PHACTR3: variants seen among roughly 807,000 people sequenced by gnomAD.
PHACTR3 encodes phosphatase and actin regulator 3.
PHACTR3 carries 16 observed loss-of-function variants against 66.8 expected under a neutral mutation model. The ratio of observed to expected loss-of-function variants is 0.24; its 90% CI spans 0.16 to 0.36. PHACTR3 has a LOEUF of 0.36. Among genes scored for constraint, PHACTR3 ranks in the 10% least tolerant of loss-of-function variants. The pLI, the probability that PHACTR3 is intolerant of heterozygous loss-of-function variation, is 1.00. For missense variants in PHACTR3, 647 were observed against 719.9 expected (o/e 0.90, Z 1.16); for synonymous variants, 323 against 292.1 (o/e 1.11, Z -1.08).
In PHACTR3 at chr20:59,615,597, A is replaced by G. The variant is rs566027688; in HGVS notation, c.118+10465A>G. ...ATTCTCCAGACCTCCGTGGCCCTACAGCATTGAGCTTTCAGTCCTTGGGTT... is the reference window on the plus strand; with the variant it reads ...ATTCTCCAGACCTCCGTGGCCCTACGGCATTGAGCTTTCAGTCCTTGGGTT... On this transcript the variant is annotated intron_variant, in intron 1 of 12. Transcript: ENST00000371015. Among the ~76,000 whole-genome samples, 12 of 152,320 alleles carry G rather than the reference A, an allele frequency of 7.9e-5. No homozygotes were observed. The East Asian group carries it at 2.3e-3, about 29-fold the overall frequency.
At chr20:59,722,897 G>C (rs897153896) in intron 1 of PHACTR3, among the ~76,000 whole-genome samples, 1 of 152,052 alleles carries the variant, frequency 6.6e-6, no homozygotes, top group African/African-American at 2.4e-5. Flanking sequence ...TGGGTCCCAC[G>C]TGCTATCAGA....
chr20:59,783,992 G>A (rs1036520303), intron 7 of PHACTR3, among the ~76,000 whole-genome samples: 1 of 152,244 alleles, frequency 6.6e-6, no homozygotes, highest in Non-Finnish European at 1.5e-5. Context: ...AATCTTGTGT[G>A]TCCTCTTGGC....
chr20:59,676,632 A>C, intron 1 of PHACTR3: 1 of 933,210 alleles, frequency 1.1e-6, no homozygotes, highest in Non-Finnish European at 1.3e-6. Flanking sequence ...TGAGAGTGCC[A>C]GGGCTGTGAG....
At chr20:59,815,741 G>T (rs903756353) in intron 8 of PHACTR3, among the ~76,000 whole-genome samples, 3 of 152,168 alleles carry the variant, frequency 2.0e-5, no homozygotes, top group African/African-American at 7.2e-5. Context: ...CTGTTTTATA[G>T]TGAACCCCAA....
intron 4 of PHACTR3, among the ~76,000 whole-genome samples, chr20:59,765,267 C>T (rs2040144859): frequency 6.6e-6 from 1 of 152,162 alleles, no homozygotes; most frequent in Non-Finnish European, 1.5e-5. Flanking sequence ...GAGTCTTAAA[C>T]CCTTTTTAAC....
In PHACTR3 at chr20:59,767,317, G is replaced by C; in HGVS notation, c.673G>C (p.Val225Leu). 6.2e-7 allele frequency: 1 copy of C among 1,614,168 alleles called. No homozygotes were observed. The highest frequency in any genetic ancestry group is 8.5e-7 in the Non-Finnish European group (1 of 1,180,016). ...TCCTCCCAGACCTCTGGAGAGATCC[G>C]TGGGCCAGCTCCCCAGCCCCCCACT... ...DSPPRPLERS[V>L]GQLPSPPLLP... The change falls in exon 5 of 13, where the codon GTG becomes CTG. Residue 225 changes from valine (V) to leucine (L), a missense_variant. Around this residue, in one of 2 missense-constraint regions of PHACTR3, gnomAD observed 577 missense variants for 571.1 expected, o/e 1.01. Transcript: ENST00000371015.
chr20:59,843,520 GA>G (rs933023343), intron 11 of PHACTR3: 1 of 151,990 alleles, frequency 6.6e-6, no homozygotes, highest in Non-Finnish European at 1.5e-5. Context: ...AGAAAACCCA[GA>G]AAAAATTCAC....
At chr20:59,634,615 C>G (rs2034782295) in intron 1 of PHACTR3, among the ~76,000 whole-genome samples, 1 of 152,180 alleles carries the variant, frequency 6.6e-6, no homozygotes, top group African/African-American at 2.4e-5. Flanking sequence ...CCGGTCTAAA[C>G]TGTTTACTCT....
chr20:59,596,448 C>T lies in PHACTR3; in HGVS notation c.109+18831C>T, dbSNP rs139738279. 5.4e-3 allele frequency among the ~76,000 whole-genome samples: 820 copies of T among 152,280 alleles called. 9 individuals carry two copies. The highest frequency in any genetic ancestry group is 0.018 in the African/African-American group (764 of 41,558). On this transcript the variant is annotated intron_variant, in intron 1 of 12. Transcript: ENST00000359926. ...TGAGCCACCATGCCTGGCCCTGGTA[C>T]TGAACCTTCTGTAAATGGAATAAGA...
At chr20:59,835,255 G>T (rs955479009) in intron 8 of PHACTR3, among the ~76,000 whole-genome samples, 1 of 123,852 alleles carries the variant, frequency 8.1e-6, no homozygotes, top group Non-Finnish European at 1.7e-5. Flanking sequence ...TGGGACTGGG[G>T]AGGATTCCAG....
chr20:59,676,334 G>A (rs1387099173), intron 1 of PHACTR3, among the ~76,000 whole-genome samples: 3 of 152,174 alleles, frequency 2.0e-5, no homozygotes, highest in African/African-American at 7.2e-5. Context: ...TGGCAGTGCT[G>A]AGTGACACGT....
Position 59,651,571 on chromosome 20 carries a change from G to T in PHACTR3, c.118+46439G>T, listed in dbSNP as rs550473728. Among the ~76,000 whole-genome samples the T allele has an allele frequency of 4.5e-3, 688 of 152,204 alleles. 7 individuals carry two copies. The highest frequency in any genetic ancestry group is 5.7e-3 in the Non-Finnish European group (387 of 68,014). On this transcript the variant is annotated intron_variant, in intron 1 of 12. Transcript: ENST00000371015. Reference sequence around the variant, plus strand: ...CTAGGAATCTATCCCAAAATATCTTGGCAAATGGTAAAATAGCACACAGGC... The same window carrying T: ...CTAGGAATCTATCCCAAAATATCTTTGCAAATGGTAAAATAGCACACAGGC...
intron 11 of PHACTR3, chr20:59,844,277 A>G (rs1340074832): frequency 6.6e-6 from 1 of 152,110 alleles, no homozygotes; most frequent in Non-Finnish European, 1.5e-5. Context: ...ATATTGTTTA[A>G]AAACTATATG....
intron 1 of PHACTR3, among the ~76,000 whole-genome samples, chr20:59,704,443 G>A (rs1260144245): frequency 6.6e-6 from 1 of 151,910 alleles, no homozygotes; most frequent in African/African-American, 2.4e-5. Flanking sequence ...TTTTCTTCTG[G>A]CTTTCTTGTA....
At chr20:59,603,413 A>C (rs1409570969), upstream of PHACTR3, 17 of 152,418 alleles carry the variant, frequency 1.1e-4, no homozygotes, top group Admixed American at 1.1e-3. Flanking sequence ...CTAAGAGCCC[A>C]AAGCTCTGTG....
intron 3 of PHACTR3, among the ~76,000 whole-genome samples, chr20:59,748,938 T>C (rs2148805): frequency 0.092 from 14,010 of 152,098 alleles, 1,211 homozygotes; most frequent in East Asian, 0.35. Flanking sequence ...ACAAACCCGA[T>C]TGTGGGCCCA....
chr20:59,718,426 A>G (rs370219136), intron 1 of PHACTR3, among the ~76,000 whole-genome samples: 2 of 152,308 alleles, frequency 1.3e-5, no homozygotes, highest in African/African-American at 4.8e-5. Context: ...AGACCCCTCC[A>G]AGGTCTCTGA....
At chr20:59,623,137 GA>G (rs1321045629) in intron 1 of PHACTR3, among the ~76,000 whole-genome samples, 4 of 151,866 alleles carry the variant, frequency 2.6e-5, no homozygotes, top group East Asian at 1.9e-4. Context: ...GAGCATTATT[GA>G]AAAAAACTCA....
chr20:59,698,965 C>A (rs918181449), intron 1 of PHACTR3, among the ~76,000 whole-genome samples: 8 of 152,184 alleles, frequency 5.3e-5, no homozygotes, highest in Non-Finnish European at 8.8e-5. Context: ...TTCAGAAACA[C>A]AACTTCCCCC....
Sources: allele counts gnomAD v4.1 joint callset (sites outside exome capture counted in the v4.1 genomes callset), GRCh38; gene constraint gnomAD v4.1.1; regional missense constraint gnomAD v4.1.1; transcripts MANE v1.5; gene names NCBI Gene and HGNC (gene_info 2026-07-23, HGNC 2026-07-21).